The following SPG21 variants were observed in gnomAD, a reference collection of about 807,000 sequenced individuals.
SPG21 encodes the protein maspardin.
Under a neutral mutation model 38.9 loss-of-function variants are expected in SPG21, and 26 were observed. That is an observed-to-expected ratio of 0.67 (90% CI 0.49 to 0.93). SPG21 has a LOEUF of 0.93. Among genes scored for constraint, SPG21 ranks in the 40% least tolerant of loss-of-function variants. SPG21 has a pLI of 0.00. For missense variants in SPG21, 333 were observed against 376.5 expected, an observed-to-expected ratio of 0.88 and a Z score of 0.96; for synonymous variants, 136 against 128.9, an observed-to-expected ratio of 1.05 and a Z score of -0.37.
intron 5 of SPG21, among the ~76,000 whole-genome samples, chr15:64,971,087 G>T (rs1232901663): frequency 6.6e-6 from 1 of 152,070 alleles, no homozygotes; most frequent in African/African-American, 2.4e-5. Context: ...TAGAGACAGG[G>T]TCTCACTCTG....
chr15:64,974,189 G>A (rs28579060), intron 5 of SPG21, among the ~76,000 whole-genome samples: 7,200 of 152,240 alleles, frequency 0.047, 594 homozygotes, highest in African/African-American at 0.16. Flanking sequence ...AGAAAGAGCC[G>A]GGCACAGTGG....
Position 64,965,445 on chromosome 15 carries a change from C to G in SPG21, c.685G>C (p.Ala229Pro). The G allele has an allele frequency of 6.2e-7, 1 of 1,614,170 alleles. No homozygotes were observed. Among genetic ancestry groups the G allele is most frequent in the African/African-American group, 1.3e-5 (1 of 75,042 alleles). ...VTIMDVFDQS[A>P]LSTEAKEEMY... ...TCTTCTTTAGCTTCAGTTGAAAGCG[C>G]ACTCTGATCAAACACCTTTAAAAAA... The change falls in exon 8 of 9, where the codon GCG (alanine) becomes CCG (proline). Residue 229 changes from alanine (A) to proline (P), a missense_variant. Coordinates refer to ENST00000204566, the MANE Select transcript of SPG21 (RefSeq NM_016630.7).
At chr15:64,972,787 G>A (rs1472944073) in intron 5 of SPG21, among the ~76,000 whole-genome samples, 3 of 152,158 alleles carry the variant, frequency 2.0e-5, no homozygotes, top group South Asian at 2.1e-4. Context: ...AGCTGAGATC[G>A]TGCCACTGCA....
chr15:64,963,619 A>G lies in SPG21; in HGVS notation c.*1T>C, dbSNP rs1221557602. 6.2e-7 allele frequency: 1 copy of G among 1,612,636 alleles called. No homozygotes were observed. Among genetic ancestry groups the G allele is most frequent in the Non-Finnish European group, 8.5e-7 (1 of 1,179,118 alleles). On this transcript the variant is annotated 3_prime_UTR_variant, in exon 9 of 9. Transcript: ENST00000204566. Reference sequence around the variant, plus strand: ...ACTCATCATTGACAGCGAGAGACACACTACTGCTCCTCCTGGCTGATGCCA... The same window carrying G: ...ACTCATCATTGACAGCGAGAGACACGCTACTGCTCCTCCTGGCTGATGCCA...
At chr15:64,964,684 G>A (rs1349274786) in intron 8 of SPG21, among the ~76,000 whole-genome samples, 1 of 152,072 alleles carries the variant, frequency 6.6e-6, no homozygotes, top group Non-Finnish European at 1.5e-5. Context: ...AGGCTGGAGT[G>A]CAATGGCGTG....
rs754186101 is a variant in SPG21 at position 64,983,554 on chromosome 15, C to G, written c.16G>C (p.Val6Leu). The change falls in exon 2 of 9, where the codon GTC (valine) becomes CTC (leucine). Residue 6 changes from valine to leucine, a missense_variant. By Grantham distance (32) the Val-to-Leu change is conservative. Transcript: ENST00000204566. MGEIK[V>L]SPDYNWFRGT... is the part of the protein sequence containing the mutation. Reference sequence around the variant, plus strand: ...CTAAACCAGTTATAATCAGGAGAGACTTTAATCTCTCCCATGATTAGCTGA... The same window carrying G: ...CTAAACCAGTTATAATCAGGAGAGAGTTTAATCTCTCCCATGATTAGCTGA... 1 of 1,576,290 alleles carries G rather than the reference C, an allele frequency of 6.3e-7. No homozygotes were observed. The highest frequency in any genetic ancestry group is 1.8e-5 in the Admixed American group (1 of 56,184).
At chr15:64,968,190 A>G (rs1308043027) in intron 7 of SPG21, among the ~76,000 whole-genome samples, 1 of 152,056 alleles carries the variant, frequency 6.6e-6, no homozygotes, top group Non-Finnish European at 1.5e-5. Context: ...TCTACAAAAA[A>G]TTAGCCGAAC....
At chr15:64,986,443 T>C (rs1403096979) in intron 1 of SPG21, among the ~76,000 whole-genome samples, 1 of 152,024 alleles carries the variant, frequency 6.6e-6, no homozygotes, top group Non-Finnish European at 1.5e-5. Context: ...CCCAGCAGTT[T>C]GGGAGGCTGA....
At position 64,963,386 on chromosome 15, in the gene SPG21, T is replaced by G; in HGVS notation, c.*234A>C. On this transcript the variant is annotated 3_prime_UTR_variant, in exon 9 of 9. Transcript: ENST00000204566. Reference sequence around the variant, plus strand: ...ATTTGCACGGTTCTTAAAATGGGAGTCTTCAAAAGTACTTCTTCAAATTCA... The same window carrying G: ...ATTTGCACGGTTCTTAAAATGGGAGGCTTCAAAAGTACTTCTTCAAATTCA... 8.4e-6 allele frequency: 4 copies of G among 474,702 alleles called. No individual in the cohort carries two copies. The highest frequency in any genetic ancestry group is 3.5e-5 in the East Asian group (1 of 28,922). 29.4% of individuals were successfully genotyped at this position (474,702 alleles called of 1,614,324 possible).
chr15:64,980,566 G>A (rs1360005353), intron 3 of SPG21, among the ~76,000 whole-genome samples: 4 of 151,846 alleles, frequency 2.6e-5, no homozygotes, highest in East Asian at 1.9e-4. Flanking sequence ...GCGAAACCCC[G>A]TCTCTACTAA....
At chr15:64,971,395 C>T (rs1419189717) in intron 5 of SPG21, among the ~76,000 whole-genome samples, 2 of 151,486 alleles carry the variant, frequency 1.3e-5, no homozygotes, top group African/African-American at 2.4e-5. Flanking sequence ...AAAAATTAGC[C>T]GGGCTTGGTG....
intron 4 of SPG21, among the ~76,000 whole-genome samples, chr15:64,975,398 C>G (rs4544196): frequency 1.9e-4 from 28 of 151,084 alleles, no homozygotes; most frequent in Admixed American, 7.2e-4. Context: ...CATGGTGGTA[C>G]GTGCCTAGAG....
chr15:64,977,463 G>A (rs762357466), intron 3 of SPG21, among the ~76,000 whole-genome samples: 82 of 152,032 alleles, frequency 5.4e-4, no homozygotes, highest in Non-Finnish European at 1.0e-3. Context: ...GGGTGCAAGC[G>A]ATTCTCCCAC....
intron 5 of SPG21, among the ~76,000 whole-genome samples, chr15:64,971,766 G>A (rs936413846): frequency 2.0e-5 from 3 of 152,112 alleles, no homozygotes; most frequent in Non-Finnish European, 2.9e-5. Flanking sequence ...AACCTGGGGG[G>A]CAGAGGCTGC....
In SPG21 at chr15:64,974,602, C is replaced by T; in HGVS notation, c.452G>A (p.Ser151Asn). 1 of 1,614,124 alleles carries T rather than the reference C, an allele frequency of 6.2e-7. No homozygotes were observed. Among genetic ancestry groups the T allele is most frequent in the Non-Finnish European group, 8.5e-7 (1 of 1,180,014 alleles). The change falls in exon 5 of 9, where the codon AGC becomes AAC. Residue 151 changes from serine (S) to asparagine (N), a missense_variant and splice_region_variant. Physicochemically the swap from Ser to Asn is conservative, Grantham distance 46. Coordinates refer to ENST00000204566, the MANE Select transcript of SPG21 (RefSeq NM_016630.7). ...ACAAAAAAAGTAATTTTGTTCTTAC[C>T]TGTTTGCAGTCCAAGTTTGGTTGAA... Reference protein sequence around the residue: ...SIFNQTWTANSFWLMPAFMLK... With the variant: ...SIFNQTWTANNFWLMPAFMLK...
chr15:64,970,160 G>A lies in SPG21; in HGVS notation c.515C>T (p.Pro172Leu), dbSNP rs752892141. The A allele has an allele frequency of 1.4e-4, 218 of 1,613,960 alleles. No homozygotes were observed. The highest frequency in any genetic ancestry group is 1.7e-4 in the Non-Finnish European group (203 of 1,180,038). The change falls in exon 6 of 9, where the codon CCG becomes CTG. Residue 172 changes from proline to leucine, a missense_variant. By Grantham distance (98) the Pro-to-Leu change is moderately conservative. Transcript: ENST00000204566. ...KIVLGNFSSG[P>L]VDPMMADAID... is the part of the protein sequence containing the mutation. ...GGCATCAGCCATCATAGGGTCCACCGGGCCAGATGAAAAATTTCCAAGAAC... is the reference window on the plus strand; with the variant it reads ...GGCATCAGCCATCATAGGGTCCACCAGGCCAGATGAAAAATTTCCAAGAAC...
Position 64,988,880 on chromosome 15 carries a change from G to A in SPG21, c.-25+785C>T, listed in dbSNP as rs541925050. The A allele has an allele frequency of 1.5e-3, 229 of 151,920 alleles. 1 individual carries two copies. The highest frequency in any genetic ancestry group is 0.014 in the Middle Eastern group (4 of 296). 9.4% of individuals were successfully genotyped at this position (151,920 alleles called of 1,614,324 possible). A position where few individuals can be genotyped will look rare whatever the true frequency, so the allele number is the denominator to read the frequency against. ...GCCTGTAGTGCCAGCTACTCGGGAG[G>A]CTGAGGCAGGAGAATGGCGTAAACC... On this transcript the variant is annotated intron_variant, in intron 1 of 8. Coordinates refer to ENST00000204566, the MANE Select transcript of SPG21 (RefSeq NM_016630.7).
rs764496504 is a variant in SPG21, at chr15:64,974,770, C to CAGATT, written c.307-28_307-24dup. 3.7e-6 allele frequency: 6 copies of CAGATT among 1,613,926 alleles called. No individual in the cohort carries two copies. The Admixed American group carries it at 1.0e-4, about 27-fold the overall frequency. ...AACCTAATTATAAACAAATATAAGG[C>CAGATT]AGATTCTGAAATACTGATCAATCTT... is the stretch of plus-strand genomic sequence containing the variant. On this transcript the variant is annotated intron_variant, in intron 4 of 8. Transcript: ENST00000204566.
At chr15:64,983,942 C>T (rs1206779356) in intron 1 of SPG21, among the ~76,000 whole-genome samples, 1 of 152,054 alleles carries the variant, frequency 6.6e-6, no homozygotes, top group Non-Finnish European at 1.5e-5. Flanking sequence ...CGCCACCACG[C>T]CCAACTAATT....
Sources: gnomAD v4.1 joint callset for allele counts (sites outside exome capture counted in the v4.1 genomes callset) on GRCh38, gnomAD v4.1.1 for gene constraint, MANE v1.5 for transcripts, NCBI Gene and HGNC (gene_info 2026-07-23, HGNC 2026-07-21) for gene names.